Variants in FOXP1 observed in about 807,000 individuals in gnomAD.
FOXP1 encodes the protein forkhead box protein P1.
A neutral mutation model predicts 98.2 loss-of-function variants in FOXP1; 15 were observed. The observed-to-expected ratio is 0.15, with a 90% CI of 0.10 to 0.24. The LOEUF (loss-of-function observed/expected upper bound fraction) is 0.24. Ranked by LOEUF, FOXP1 falls within the 10% of genes least tolerant of loss-of-function variation. FOXP1 has a pLI of 1.00. For synonymous variants in FOXP1, 371 were observed against 314.5 expected (o/e 1.18, Z -1.90); for missense variants, 633 against 848.5 (o/e 0.75, Z 3.15).
chr3:71,284,063 A>T (rs1044128374), intron 5 of FOXP1, among the ~76,000 whole-genome samples: 35 of 152,342 alleles, frequency 2.3e-4, no homozygotes, highest in African/African-American at 7.9e-4. Context: ...AAAAATTTTT[A>T]AAAATAAGAT....
intron 5 of FOXP1, among the ~76,000 whole-genome samples, chr3:71,271,246 T>C (rs2070321496): frequency 6.6e-6 from 1 of 152,154 alleles, no homozygotes; most frequent in Admixed American, 6.5e-5. Flanking sequence ...AAGAGAATAC[T>C]TCCTTCCAAC....
chr3:71,042,762 T>C (rs1163319521), intron 10 of FOXP1, among the ~76,000 whole-genome samples: 1 of 152,228 alleles, frequency 6.6e-6, no homozygotes, highest in Admixed American at 6.5e-5. Flanking sequence ...GTGTGCATTA[T>C]ATTCATTTGA....
At chr3:71,441,323 T>C (rs1181851131) in intron 3 of FOXP1, among the ~76,000 whole-genome samples, 2 of 152,236 alleles carry the variant, frequency 1.3e-5, no homozygotes, top group African/African-American at 4.8e-5. Flanking sequence ...CAGGAATGAA[T>C]GGCAGAGGCA....
chr3:71,099,276 C>T (rs1575676693), intron 7 of FOXP1, among the ~76,000 whole-genome samples: 2 of 152,052 alleles, frequency 1.3e-5, no homozygotes, highest in Admixed American at 6.6e-5. Flanking sequence ...TGTGGGAGGC[C>T]GAGGTGGGCA....
intron 11 of FOXP1, among the ~76,000 whole-genome samples, chr3:71,029,991 C>G (rs970710003): frequency 1.3e-5 from 2 of 152,162 alleles, no homozygotes; most frequent in Admixed American, 6.5e-5. Flanking sequence ...CATATATTAA[C>G]TCATTTAATC....
rs529741747 is a variant in FOXP1, at chr3:71,245,800, A to AC, written c.-11-47409dup. Among the ~76,000 whole-genome samples the AC allele has an allele frequency of 2.5e-3, 348 of 140,648 alleles. 3 individuals are homozygous for AC. The highest frequency in any genetic ancestry group is 0.011 in the South Asian group (46 of 4,258). The allele number at this position is 140,648 out of a possible 152,430, so 92.3% of individuals were successfully genotyped here. ...CTCTTTCCCACCTCCTCCAATCACCACCCCCCCCACCCACAAATAAACAAA... is the reference window on the plus strand; with the variant it reads ...CTCTTTCCCACCTCCTCCAATCACCACCCCCCCCCACCCACAAATAAACAAA... On this transcript the variant is annotated intron_variant, in intron 5 of 20. Coordinates refer to ENST00000649528, the MANE Select transcript of FOXP1 (RefSeq NM_001349338.3).
Position 71,296,737 on chromosome 3 carries a change from G to C in FOXP1, c.-12+3083C>G, listed in dbSNP as rs561079202. 2.2e-4 allele frequency among the ~76,000 whole-genome samples: 34 copies of C among 152,318 alleles called. No individual in the cohort carries two copies. The South Asian group carries it at 5.8e-3, about 26-fold the overall frequency. On this transcript the variant is annotated intron_variant, in intron 5 of 20. Coordinates refer to ENST00000649528, the MANE Select transcript of FOXP1 (RefSeq NM_001349338.3). Reference sequence around the variant, plus strand: ...AAATCTGGTCCCCAATGTCAGAGGAGGGGCCAATAGAAGGTGTTTGGATCA... The same window carrying C: ...AAATCTGGTCCCCAATGTCAGAGGACGGGCCAATAGAAGGTGTTTGGATCA...
At chr3:71,025,610 C>T (rs1052677549) in intron 11 of FOXP1, among the ~76,000 whole-genome samples, 3 of 152,132 alleles carry the variant, frequency 2.0e-5, no homozygotes, top group African/African-American at 4.8e-5. Flanking sequence ...TAATGCAAGG[C>T]TGTATTTCTT....
intron 11 of FOXP1, among the ~76,000 whole-genome samples, chr3:71,037,194 A>G (rs918909765): frequency 6.6e-6 from 1 of 152,202 alleles, no homozygotes; most frequent in Non-Finnish European, 1.5e-5. Context: ...GAAGGAACTG[A>G]TTAAATGTGA....
chr3:71,172,918 G>C (rs991129569), intron 6 of FOXP1, among the ~76,000 whole-genome samples: 7 of 152,116 alleles, frequency 4.6e-5, no homozygotes, highest in Non-Finnish European at 7.4e-5. Flanking sequence ...CTTAAGATAG[G>C]AGAAGCAACA....
At chr3:71,326,548 G>T (rs887898844) in intron 4 of FOXP1, among the ~76,000 whole-genome samples, 2 of 152,166 alleles carry the variant, frequency 1.3e-5, no homozygotes, top group Admixed American at 1.3e-4. Context: ...GATTCTTCAA[G>T]AGATGTGTTG....
intron 10 of FOXP1, among the ~76,000 whole-genome samples, chr3:71,043,552 A>G (rs908304591): frequency 1.3e-5 from 2 of 152,212 alleles, no homozygotes; most frequent in Non-Finnish European, 2.9e-5. Flanking sequence ...ACTCAATGGA[A>G]ACAATAGTTA....
At chr3:71,390,047 C>T (rs1342109989) in intron 3 of FOXP1, among the ~76,000 whole-genome samples, 1 of 152,130 alleles carries the variant, frequency 6.6e-6, no homozygotes, top group Non-Finnish European at 1.5e-5. Context: ...CACCCAAGAA[C>T]AAACTGTGTG....
chr3:71,564,385 A>G (rs1040168318), intron 2 of FOXP1, among the ~76,000 whole-genome samples: 74 of 152,358 alleles, frequency 4.9e-4, no homozygotes, highest in African/African-American at 1.7e-3. Flanking sequence ...GTCACATTCC[A>G]CATGGATTAT....
At chr3:71,127,059 T>C (rs982157239) in intron 6 of FOXP1, among the ~76,000 whole-genome samples, 7 of 152,124 alleles carry the variant, frequency 4.6e-5, no homozygotes, top group African/African-American at 1.7e-4. Context: ...ACAAACAGCT[T>C]CAGGAGCCAA....
At chr3:71,008,842 A>G (rs759926055) in intron 12 of FOXP1, among the ~76,000 whole-genome samples, 4 of 151,868 alleles carry the variant, frequency 2.6e-5, no homozygotes, top group African/African-American at 4.8e-5. Context: ...AACAGTTATG[A>G]TATTTCTTCC....
chr3:71,266,639 TGCATAATGCTGAAGTTTGG>T (rs2069695552), intron 5 of FOXP1, among the ~76,000 whole-genome samples: 1 of 152,216 alleles, frequency 6.6e-6, no homozygotes, highest in Non-Finnish European at 1.5e-5. Flanking sequence ...ATAGATTTAT[TGCATAATGCTGAAGTTTGG>T]GCTTCTAGTG....
In FOXP1 at chr3:70,958,800, C is replaced by CTGTGCAAA. The variant is rs1400912057; in HGVS notation, c.*439_*446dup. On this transcript the variant is annotated 3_prime_UTR_variant, in exon 21 of 21. Transcript: ENST00000649528. ...AGGCAGTGATAATCAACATGCAGTA[C>CTGTGCAAA]TGTGCAAATAGGTCGTCCATTGGAA... 4.2e-6 allele frequency: 1 copy of CTGTGCAAA among 238,850 alleles called. No individual in the cohort carries two copies. Among genetic ancestry groups the CTGTGCAAA allele is most frequent in the Non-Finnish European group, 7.6e-6 (1 of 130,882 alleles). 14.8% of individuals were successfully genotyped at this position (238,850 alleles called of 1,614,324 possible).
intron 6 of FOXP1, among the ~76,000 whole-genome samples, chr3:71,191,973 C>A (rs942417821): frequency 3.3e-5 from 5 of 152,196 alleles, no homozygotes; most frequent in African/African-American, 1.2e-4. Flanking sequence ...TTTAAAATTA[C>A]AGCTGGGTTT....
Sources: allele counts gnomAD v4.1 joint callset (sites outside exome capture counted in the v4.1 genomes callset), GRCh38; gene constraint gnomAD v4.1.1; transcripts MANE v1.5; gene names NCBI Gene and HGNC (gene_info 2026-07-23, HGNC 2026-07-21).